Variants in RNF180 observed in about 807,000 individuals in gnomAD.
The protein encoded by RNF180 is ring finger protein 180.
A neutral mutation model predicts 59.2 loss-of-function variants in RNF180; 38 were observed. The observed-to-expected ratio is 0.64, with a 90% CI of 0.50 to 0.84. The LOEUF (loss-of-function observed/expected upper bound fraction) is 0.84, where lower values mean the gene tolerates loss of function less well. Ranked by LOEUF, RNF180 falls within the 40% of genes least tolerant of loss-of-function variation. The pLI is 0.00. For synonymous variants in RNF180, 262 were observed against 240.3 expected, an observed-to-expected ratio of 1.09 and a Z score of -0.84; for missense variants, 705 against 700.9, an observed-to-expected ratio of 1.01 and a Z score of -0.07.
At chr5:64,299,096 C>T (rs1041723298) in intron 5 of RNF180, among the ~76,000 whole-genome samples, 2 of 151,852 alleles carry the variant, frequency 1.3e-5, no homozygotes. Flanking sequence ...AAGAGAGCTC[C>T]CTTGTCCTTT....
At chr5:64,331,853 C>T (rs1212696374) in intron 7 of RNF180, among the ~76,000 whole-genome samples, 4 of 152,168 alleles carry the variant, frequency 2.6e-5, no homozygotes, top group Non-Finnish European at 5.9e-5. Context: ...TGACACCCTC[C>T]TTGGGGTTCT....
chr5:64,365,042 C>CT (rs1018121418), intron 7 of RNF180, among the ~76,000 whole-genome samples: 4 of 149,358 alleles, frequency 2.7e-5, no homozygotes, highest in African/African-American at 9.8e-5. Context: ...CTTTTGAATG[C>CT]TTTTTGTGTC....
intron 5 of RNF180, among the ~76,000 whole-genome samples, chr5:64,278,662 G>A (rs976941871): frequency 1.3e-5 from 2 of 152,184 alleles, no homozygotes; most frequent in Non-Finnish European, 2.9e-5. Context: ...TAATTGGATC[G>A]TGGTAACAGT....
At chr5:64,342,381 G>A (rs1242834050) in intron 7 of RNF180, among the ~76,000 whole-genome samples, 1 of 152,100 alleles carries the variant, frequency 6.6e-6, no homozygotes, top group Non-Finnish European at 1.5e-5. Flanking sequence ...CTCTATGAAG[G>A]GGAATAGAAA....
intron 7 of RNF180, among the ~76,000 whole-genome samples, chr5:64,345,161 C>T (rs988522964): frequency 2.6e-5 from 4 of 152,124 alleles, no homozygotes; most frequent in Admixed American, 6.5e-5. Context: ...TGAGTTTATG[C>T]ACCTCCAACA....
At chr5:64,175,325 C>T (rs539935092) in intron 1 of RNF180, among the ~76,000 whole-genome samples, 4 of 151,984 alleles carry the variant, frequency 2.6e-5, no homozygotes, top group East Asian at 1.9e-4. Flanking sequence ...GGGTTTAGTT[C>T]GTTCTTCTAC....
intron 2 of RNF180, among the ~76,000 whole-genome samples, chr5:64,202,086 A>G (rs1751784264): frequency 6.6e-6 from 1 of 152,206 alleles, no homozygotes; most frequent in African/African-American, 2.4e-5. Context: ...GTACAACTTG[A>G]TAAGTTTTAT....
chr5:64,350,538 T>C (rs1745756976), intron 7 of RNF180, among the ~76,000 whole-genome samples: 1 of 152,192 alleles, frequency 6.6e-6, no homozygotes, highest in Admixed American at 6.5e-5. Context: ...TTTTATGGCT[T>C]TAGGTCTAAC....
intron 7 of RNF180, among the ~76,000 whole-genome samples, chr5:64,346,524 C>T (rs1380786871): frequency 6.6e-6 from 1 of 151,868 alleles, no homozygotes; most frequent in African/African-American, 2.4e-5. Context: ...TGCCTGCCAC[C>T]ATGCCCAGCT....
chr5:64,224,395 A>T (rs191869236), intron 5 of RNF180, among the ~76,000 whole-genome samples: 1 of 152,282 alleles, frequency 6.6e-6, no homozygotes, highest in Non-Finnish European at 1.5e-5. Context: ...AATGGTATAA[A>T]TATTTATGTC....
At chr5:64,366,449 C>G (rs1746449971) in intron 7 of RNF180, among the ~76,000 whole-genome samples, 1 of 151,428 alleles carries the variant, frequency 6.6e-6, no homozygotes, top group Non-Finnish European at 1.5e-5. Flanking sequence ...GGATAACCTT[C>G]TTACTAAATA....
chr5:64,218,803 AT>A (rs1413707299), intron 5 of RNF180, among the ~76,000 whole-genome samples: 1 of 151,998 alleles, frequency 6.6e-6, no homozygotes, highest in East Asian at 1.9e-4. Flanking sequence ...TATACCAAGT[AT>A]TTTTTCTTTT....
intron 5 of RNF180, among the ~76,000 whole-genome samples, chr5:64,234,199 C>T (rs1159731784): frequency 6.6e-6 from 1 of 152,178 alleles, no homozygotes; most frequent in Admixed American, 6.5e-5. Context: ...AGCACAGTGG[C>T]TCACGCCTAT....
At chr5:64,271,601 C>T (rs1161032271) in intron 5 of RNF180, among the ~76,000 whole-genome samples, 1 of 151,960 alleles carries the variant, frequency 6.6e-6, no homozygotes. Flanking sequence ...TGCCTAACGA[C>T]ACATTTCTCA....
intron 7 of RNF180, among the ~76,000 whole-genome samples, chr5:64,340,927 T>TCCTTTACCTCCTTCCCTCTC (rs1745331891): frequency 6.6e-6 from 1 of 152,060 alleles, no homozygotes; most frequent in East Asian, 1.9e-4. Context: ...CCCTCCCTCT[T>TCCTTTACCTCCTTCCCTCTC]CCTTTACCTC....
At chr5:64,171,051 A>G (rs1430939972) in intron 1 of RNF180, among the ~76,000 whole-genome samples, 1 of 152,200 alleles carries the variant, frequency 6.6e-6, no homozygotes, top group East Asian at 1.9e-4. Context: ...ATAGTCAACG[A>G]TATAGAGTAA....
chr5:64,303,046 G>A (rs1457883768), intron 5 of RNF180, among the ~76,000 whole-genome samples: 2 of 151,534 alleles, frequency 1.3e-5, no homozygotes, highest in African/African-American at 4.8e-5. Flanking sequence ...TTTGGCAATT[G>A]TTGCAATATT....
At chr5:64,214,782 CTAAT>C (rs532000706) in intron 4 of RNF180, among the ~76,000 whole-genome samples, 48 of 152,186 alleles carry the variant, frequency 3.2e-4, no homozygotes, top group African/African-American at 9.2e-4. Flanking sequence ...ATATTAATCT[CTAAT>C]TAACACTGGA....
intron 5 of RNF180, among the ~76,000 whole-genome samples, chr5:64,246,085 A>G (rs902787506): frequency 6.6e-6 from 1 of 152,162 alleles, no homozygotes; most frequent in Admixed American, 6.5e-5. Flanking sequence ...CACAATGTCA[A>G]CATACCGGAA....
Sources: allele counts gnomAD v4.1 joint callset (sites outside exome capture counted in the v4.1 genomes callset), GRCh38; gene constraint gnomAD v4.1.1; transcripts MANE v1.5; gene names NCBI Gene and HGNC (gene_info 2026-07-23, HGNC 2026-07-21).